Variants in WNT7B observed in about 807,000 individuals in gnomAD.
The protein encoded by WNT7B is Wnt family member 7B.
In WNT7B, 19 loss-of-function variants were observed where a neutral mutation model predicts 38.2. The ratio of observed to expected loss-of-function variants is 0.50; its 90% CI spans 0.35 to 0.73. WNT7B has a LOEUF of 0.73. Ranked by LOEUF, WNT7B falls within the 30% of genes least tolerant of loss-of-function variation. WNT7B has a pLI of 0.01. For missense variants in WNT7B, 423 were observed against 507.9 expected, an observed-to-expected ratio of 0.83 and a Z score of 1.61; for synonymous variants, 243 against 209.3, an observed-to-expected ratio of 1.16 and a Z score of -1.39.
Position 45,976,232 on chromosome 22 carries a change from G to A in WNT7B, c.71+452C>T, listed in dbSNP as rs868162215. ...GCCCCGGCCTGCGCGCTCGCGGCCGGGTGCGCGCCCCCCGCCCTCCCGGGC... is the reference window on the plus strand; with the variant it reads ...GCCCCGGCCTGCGCGCTCGCGGCCGAGTGCGCGCCCCCCGCCCTCCCGGGC... On this transcript the variant is annotated intron_variant, in intron 1 of 3. Coordinates refer to ENST00000339464, the MANE Select transcript of WNT7B (RefSeq NM_058238.3). The surrounding 1 kb of genome is among the most constrained non-coding windows in gnomAD (Gnocchi z 8.5). Among the ~76,000 whole-genome samples, 31 of 146,304 alleles carry A rather than the reference G, an allele frequency of 2.1e-4. No individual in the cohort carries two copies. Among genetic ancestry groups the A allele is most frequent in the African/African-American group, 6.8e-4 (28 of 40,918 alleles).
chr22:45,944,091 C>A (rs1416475266), intron 2 of WNT7B, among the ~76,000 whole-genome samples: 2 of 152,188 alleles, frequency 1.3e-5, no homozygotes, highest in Non-Finnish European at 2.9e-5. Flanking sequence ...CCCAGGGCAC[C>A]AGGCTGCACC....
chr22:45,930,702 T>A (rs940003539), intron 3 of WNT7B, among the ~76,000 whole-genome samples: 1 of 152,224 alleles, frequency 6.6e-6, no homozygotes, highest in Non-Finnish European at 1.5e-5. Context: ...AGGCTGCCTC[T>A]GCCAGGAAGT....
intron 1 of WNT7B, among the ~76,000 whole-genome samples, chr22:45,971,916 G>A (rs1232755732): frequency 6.6e-6 from 1 of 152,170 alleles, no homozygotes; most frequent in African/African-American, 2.4e-5. Flanking sequence ...CCGCTCTCAG[G>A]CCATCCTTTC....
intron 3 of WNT7B, among the ~76,000 whole-genome samples, chr22:45,929,727 C>CTTT: frequency 8.4e-6 from 1 of 119,714 alleles, no homozygotes; most frequent in African/African-American, 3.0e-5. Flanking sequence ...AATCCACTCA[C>CTTT]CCATCCACCC....
intron 2 of WNT7B, among the ~76,000 whole-genome samples, chr22:45,949,335 A>ACCCACCCTGCCCT (rs1467995419): frequency 2.4e-5 from 1 of 42,042 alleles, no homozygotes; most frequent in Non-Finnish European, 4.9e-5. Flanking sequence ...ACACCCGCCC[A>ACCCACCCTGCCCT]CCCACCCTGC....
chr22:45,945,473 T>C (rs1490401705), intron 2 of WNT7B, among the ~76,000 whole-genome samples: 1 of 152,258 alleles, frequency 6.6e-6, no homozygotes, highest in East Asian at 1.9e-4. Flanking sequence ...ATTCAAGAGA[T>C]ACTGTATTTG....
intron 1 of WNT7B, chr22:45,972,116 G>GGGGGGGGGGGGGCCCCCCCCCCC: frequency 1.9e-6 from 1 of 530,746 alleles, no homozygotes. Flanking sequence ...CCCGGGGGGA[G>GGGGGGGGGGGGGCCCCCCCCCCC]CCCACCCGCC....
At chr22:45,970,294 A>G (rs1459061996) in intron 1 of WNT7B, among the ~76,000 whole-genome samples, 1 of 152,026 alleles carries the variant, frequency 6.6e-6, no homozygotes, top group African/African-American at 2.4e-5. Flanking sequence ...GCCTGGAAAA[A>G]CTGTTTCCTT....
chr22:45,969,248 G>A (rs796530710), intron 1 of WNT7B, among the ~76,000 whole-genome samples: 19 of 152,200 alleles, frequency 1.2e-4, no homozygotes, highest in South Asian at 6.2e-4. Context: ...TAACCGCCCC[G>A]TCACCCATGA....
intron 2 of WNT7B, among the ~76,000 whole-genome samples, chr22:45,940,503 T>G (rs1931619122): frequency 6.6e-6 from 1 of 152,204 alleles, no homozygotes; most frequent in Non-Finnish European, 1.5e-5. Context: ...TTGCCACCTG[T>G]GTGTCCCTGG....
chr22:45,928,575 CTT>C (rs1011378522), intron 3 of WNT7B, among the ~76,000 whole-genome samples: 21 of 151,984 alleles, frequency 1.4e-4, no homozygotes, highest in Non-Finnish European at 2.6e-4. Context: ...TGGCTGTCCT[CTT>C]TGTCTCCTGC....
intron 1 of WNT7B, 38 bp from the exon 2 acceptor site, chr22:45,950,184 C>A: frequency 6.4e-7 from 1 of 1,565,222 alleles, no homozygotes; most frequent in Middle Eastern, 1.9e-4. Context: ...GAGACGGCGG[C>A]GGCCAGCGCC....
intron 2 of WNT7B, among the ~76,000 whole-genome samples, chr22:45,943,713 G>A (rs1023792285): frequency 1.3e-5 from 2 of 152,204 alleles, no homozygotes; most frequent in Non-Finnish European, 2.9e-5. Flanking sequence ...GTCTCCTTGG[G>A]AGCCTCAGTC....
intron 1 of WNT7B, among the ~76,000 whole-genome samples, chr22:45,950,751 A>G (rs1931913356): frequency 6.6e-6 from 1 of 152,200 alleles, no homozygotes; most frequent in Non-Finnish European, 1.5e-5. Context: ...TAAAACACCC[A>G]TCCCCCACCA....
intron 3 of WNT7B, chr22:45,927,239 A>G (rs1931113583): frequency 1.0e-6 from 1 of 985,392 alleles, no homozygotes; most frequent in Non-Finnish European, 1.2e-6. Flanking sequence ...CCAAAACCTC[A>G]GGGGCTGCTC....
chr22:45,931,380 A>G lies in WNT7B; in HGVS notation c.299-11T>C, dbSNP rs1211902307. 4 of 1,575,238 alleles carry G rather than the reference A, an allele frequency of 2.5e-6. No individual in the cohort carries two copies. The highest frequency in any genetic ancestry group is 3.4e-6 in the Non-Finnish European group (4 of 1,165,256). On this transcript the variant is annotated splice_polypyrimidine_tract_variant and intron_variant, in intron 2 of 3. Coordinates refer to ENST00000339464, the MANE Select transcript of WNT7B (RefSeq NM_058238.3). ...CAGCCTCACGGCTCCCTGCGGGGAC[A>G]GACAGGTGCAGAAGGTGAGACCCCA...
intron 1 of WNT7B, chr22:45,954,614 C>G (rs551390421): frequency 4.1e-6 from 4 of 985,136 alleles, no homozygotes; most frequent in Non-Finnish European, 4.8e-6. Context: ...CCTGCGTGCC[C>G]GTGCATGGGT....
intron 1 of WNT7B, among the ~76,000 whole-genome samples, chr22:45,968,594 T>A (rs1932362737): frequency 6.6e-6 from 1 of 152,190 alleles, no homozygotes; most frequent in African/African-American, 2.4e-5. Context: ...GAGTCCAGCG[T>A]CACCCCAGGA....
In WNT7B at chr22:45,976,299, C is replaced by T. The variant is rs1932549776; in HGVS notation, c.71+385G>A. On this transcript the variant is annotated intron_variant, in intron 1 of 3. Transcript: ENST00000339464. This position sits in a 1 kb window ranked among gnomAD's most constrained non-coding sequence, Gnocchi z 8.5. Reference sequence around the variant, plus strand: ...CGCCCCCCGACCCCGCCCCGGCGCACCCTCCAGGCGGCGAGCGCTCGGCCC... The same window carrying T: ...CGCCCCCCGACCCCGCCCCGGCGCATCCTCCAGGCGGCGAGCGCTCGGCCC... Among the ~76,000 whole-genome samples the T allele has an allele frequency of 6.7e-6, 1 of 148,794 alleles. No individual in the cohort carries two copies. Among genetic ancestry groups the T allele is most frequent in the Non-Finnish European group, 1.5e-5 (1 of 66,834 alleles).
Sources: allele counts gnomAD v4.1 joint callset (sites outside exome capture counted in the v4.1 genomes callset), GRCh38; gene constraint gnomAD v4.1.1; non-coding constraint Gnocchi (gnomAD v3.1); transcripts MANE v1.5; gene names NCBI Gene and HGNC (gene_info 2026-07-23, HGNC 2026-07-21).